The following KCTD16 variants were observed in gnomAD, a reference collection of about 807,000 sequenced individuals.
KCTD16 encodes the protein potassium channel tetramerization domain containing 16, also known as BTB/POZ domain-containing protein KCTD16.
In KCTD16, 13 loss-of-function variants were observed where a neutral mutation model predicts 33.2. The observed-to-expected ratio is 0.39, with a 90% CI of 0.25 to 0.62. The LOEUF is 0.62. Among genes scored for constraint, KCTD16 ranks in the 20% least tolerant of loss-of-function variants. The pLI, the probability that KCTD16 is intolerant of heterozygous loss-of-function variation, is 0.50. For synonymous variants in KCTD16, 197 were observed against 195.3 expected (o/e 1.01, Z -0.07); for missense variants, 441 against 525.1 (o/e 0.84, Z 1.57).
intron 3 of KCTD16, among the ~76,000 whole-genome samples, chr5:144,217,721 G>A (rs570296067): frequency 2.6e-5 from 4 of 152,062 alleles, no homozygotes; most frequent in South Asian, 2.1e-4. Flanking sequence ...AGCTCTTCAC[G>A]TTAATGATTT....
At chr5:144,240,250 G>C (rs1754365032) in intron 3 of KCTD16, among the ~76,000 whole-genome samples, 1 of 152,070 alleles carries the variant, frequency 6.6e-6, no homozygotes, top group African/African-American at 2.4e-5. Context: ...ATGAGTATCT[G>C]GAATCTCCTG....
At chr5:144,343,885 G>A (rs141220906) in intron 3 of KCTD16, among the ~76,000 whole-genome samples, 12 of 152,238 alleles carry the variant, frequency 7.9e-5, no homozygotes, top group African/African-American at 1.4e-4. Context: ...GTAGTAAAGC[G>A]GTTTTGAGTG....
chr5:144,202,604 C>T (rs891410539), intron 2 of KCTD16, among the ~76,000 whole-genome samples: 2 of 152,124 alleles, frequency 1.3e-5, no homozygotes, highest in African/African-American at 2.4e-5. Context: ...GACCATCTTG[C>T]TTTTCTGAGG....
intron 2 of KCTD16, among the ~76,000 whole-genome samples, chr5:144,181,224 T>C (rs57984111): frequency 0.3 from 45,255 of 151,942 alleles, 7,870 homozygotes; most frequent in African/African-American, 0.48. Flanking sequence ...TGAGCCACCG[T>C]GCCCAGCCTA....
chr5:144,385,944 CATTA>C (rs1408676545), intron 3 of KCTD16, among the ~76,000 whole-genome samples: 6 of 152,068 alleles, frequency 3.9e-5, no homozygotes, highest in African/African-American at 1.2e-4. Context: ...ATCTACTCTT[CATTA>C]AAAATATTCA....
In KCTD16 at chr5:144,466,723, ATAAT is replaced by A. The variant is rs1401854517; in HGVS notation, c.833-6933_833-6930del. Among the ~76,000 whole-genome samples, 11 of 151,722 alleles carry A rather than the reference ATAAT, an allele frequency of 7.3e-5. No individual in the cohort carries two copies. The East Asian group carries it at 2.1e-3, about 29-fold the overall frequency. ...TGTCAACTTTATAACTTTGGATCAA[ATAAT>A]TAACCACTTTTAGCTACAGTTTCTT... On this transcript the variant is annotated intron_variant, in intron 3 of 3. Transcript: ENST00000512467.
At chr5:144,240,649 A>G (rs1431514014) in intron 3 of KCTD16, among the ~76,000 whole-genome samples, 1 of 152,092 alleles carries the variant, frequency 6.6e-6, no homozygotes, top group African/African-American at 2.4e-5. Flanking sequence ...CCCACATTGC[A>G]TTTAATCCTC....
chr5:144,314,247 T>A (rs1561563830), intron 3 of KCTD16, among the ~76,000 whole-genome samples: 2 of 152,148 alleles, frequency 1.3e-5, no homozygotes, highest in Non-Finnish European at 1.5e-5. Flanking sequence ...TGGAAGTACA[T>A]TGTTCTTTTT....
intron 3 of KCTD16, among the ~76,000 whole-genome samples, chr5:144,275,193 G>A (rs575411286): frequency 5.3e-5 from 8 of 152,216 alleles, no homozygotes; most frequent in Admixed American, 3.9e-4. Context: ...AGAAGAAAGT[G>A]CCCACTGGTC....
chr5:144,254,172 C>T (rs1476344839), intron 3 of KCTD16, among the ~76,000 whole-genome samples: 3 of 151,762 alleles, frequency 2.0e-5, no homozygotes, highest in Non-Finnish European at 4.4e-5. Flanking sequence ...GAGTCTCGCT[C>T]TGTCGCCCAG....
chr5:144,455,196 C>T (rs1334391398), intron 3 of KCTD16, among the ~76,000 whole-genome samples: 1 of 151,924 alleles, frequency 6.6e-6, no homozygotes, highest in South Asian at 2.1e-4. Context: ...ACACCCCTAA[C>T]TTTAGAGCAA....
chr5:144,374,285 A>G (rs939408038), intron 3 of KCTD16, among the ~76,000 whole-genome samples: 3 of 152,218 alleles, frequency 2.0e-5, no homozygotes, highest in Non-Finnish European at 4.4e-5. Context: ...AACCTGTACC[A>G]TCCTATTGCT....
intron 3 of KCTD16, among the ~76,000 whole-genome samples, chr5:144,401,117 C>T (rs1470282547): frequency 1.3e-5 from 2 of 152,164 alleles, no homozygotes. Flanking sequence ...GGCAAACTGC[C>T]TTGAACAGAG....
At chr5:144,360,312 C>T (rs764272883) in intron 3 of KCTD16, among the ~76,000 whole-genome samples, 1 of 152,138 alleles carries the variant, frequency 6.6e-6, no homozygotes, top group South Asian at 2.1e-4. Flanking sequence ...CATGTGTTCT[C>T]ATTTTTCAAC....
intron 3 of KCTD16, among the ~76,000 whole-genome samples, chr5:144,384,539 T>A (rs1334354314): frequency 6.6e-6 from 1 of 152,158 alleles, no homozygotes; most frequent in Non-Finnish European, 1.5e-5. Flanking sequence ...GAAATAAAAT[T>A]TTATTTATTA....
intron 1 of KCTD16, among the ~76,000 whole-genome samples, chr5:144,173,991 C>T (rs1182881672): frequency 6.6e-6 from 1 of 150,836 alleles, no homozygotes; most frequent in Admixed American, 6.6e-5. Flanking sequence ...GGTAAATGTG[C>T]CGTCCTCTGT....
rs995563045 is a variant in KCTD16, at chr5:144,480,855, A to AT, written c.*6750dup. On this transcript the variant is annotated 3_prime_UTR_variant, in exon 4 of 4. Transcript: ENST00000512467. ...AGCATGAGTTTAAATTTGTCAAGGC[A>AT]TTTTTTTTTCTGTACCATATACGGG... The AT allele has an allele frequency of 1.1e-4, 17 of 151,258 alleles. No individual in the cohort carries two copies. The highest frequency in any genetic ancestry group is 2.6e-4 in the Admixed American group (4 of 15,134). The allele number at this position is 151,258 out of a possible 1,614,324, so 9.4% of individuals were successfully genotyped here. A position where few individuals can be genotyped will look rare whatever the true frequency, so the allele number is the denominator to read the frequency against.
chr5:144,235,099 C>T (rs1754212372), intron 3 of KCTD16, among the ~76,000 whole-genome samples: 1 of 152,152 alleles, frequency 6.6e-6, no homozygotes, highest in Admixed American at 6.6e-5. Context: ...TACACAAACA[C>T]ACGCAGTTGA....
chr5:144,204,142 A>G (rs866806301), intron 2 of KCTD16, among the ~76,000 whole-genome samples: 1 of 152,244 alleles, frequency 6.6e-6, no homozygotes, highest in African/African-American at 2.4e-5. Context: ...AATTTATCCT[A>G]CTGTTGAGCG....
Sources: allele counts gnomAD v4.1 joint callset (sites outside exome capture counted in the v4.1 genomes callset), GRCh38; gene constraint gnomAD v4.1.1; transcripts MANE v1.5; gene names NCBI Gene and HGNC (gene_info 2026-07-23, HGNC 2026-07-21).